The following CHCHD3 variants were observed in gnomAD, a reference collection of about 807,000 sequenced individuals.
The protein encoded by CHCHD3 is coiled-coil-helix-coiled-coil-helix domain containing 3.
In CHCHD3, 20 loss-of-function variants were observed where a neutral mutation model predicts 38.2. The ratio of observed to expected loss-of-function variants is 0.52; its 90% CI spans 0.37 to 0.76. CHCHD3 has a LOEUF of 0.76. CHCHD3 is among the 30% of genes least tolerant of loss of function. CHCHD3 has a pLI of 0.00. For missense variants in CHCHD3, 245 were observed against 279.2 expected, an observed-to-expected ratio of 0.88 and a Z score of 0.87; for synonymous variants, 82 against 100.0, an observed-to-expected ratio of 0.82 and a Z score of 1.07.
intron 6 of CHCHD3, among the ~76,000 whole-genome samples, chr7:132,827,709 C>A (rs1158654934): frequency 6.6e-6 from 1 of 152,180 alleles, no homozygotes; most frequent in South Asian, 2.1e-4. Flanking sequence ...CCAATCAAAT[C>A]TCCTCTATTC....
At chr7:132,825,113 G>A (rs1380852286) in intron 6 of CHCHD3, among the ~76,000 whole-genome samples, 1 of 152,134 alleles carries the variant, frequency 6.6e-6, no homozygotes, top group Non-Finnish European at 1.5e-5. Context: ...TGAGGGCAGG[G>A]ACTCAAACTG....
In CHCHD3 at chr7:133,075,542, C is replaced by A. The variant is rs200092637; in HGVS notation, c.82-5313G>T. Among the ~76,000 whole-genome samples, 3 of 152,208 alleles carry A rather than the reference C, an allele frequency of 2.0e-5. No homozygotes were observed. In the East Asian group the frequency reaches 5.8e-4, roughly 29 times the overall value. On this transcript the variant is annotated intron_variant, in intron 1 of 7. Coordinates refer to ENST00000262570, the MANE Select transcript of CHCHD3 (RefSeq NM_017812.4). ...GTATCCAAAGTTAATGCTCTCTGAG[C>A]TGACCTTCCCATTGCAGTAGTAAGT...
chr7:132,787,523 A>G (rs964177731), intron 7 of CHCHD3, among the ~76,000 whole-genome samples: 2 of 152,024 alleles, frequency 1.3e-5, no homozygotes, highest in African/African-American at 4.8e-5. Context: ...AAGGAGGAGG[A>G]TGACTTAAAT....
chr7:132,899,753 T>C (rs1003908185), intron 4 of CHCHD3, among the ~76,000 whole-genome samples: 3 of 152,250 alleles, frequency 2.0e-5, no homozygotes, highest in African/African-American at 7.2e-5. Context: ...TCATGGTCTA[T>C]AGCAGATCAC....
At chr7:133,080,048 CAG>C (rs1238972903) in intron 1 of CHCHD3, among the ~76,000 whole-genome samples, 1 of 152,134 alleles carries the variant, frequency 6.6e-6, no homozygotes, top group African/African-American at 2.4e-5. Context: ...AACTGAAGCT[CAG>C]AGAGATTGCA....
At chr7:132,853,034 C>T (rs11763279) in intron 5 of CHCHD3, among the ~76,000 whole-genome samples, 1 of 152,166 alleles carries the variant, frequency 6.6e-6, no homozygotes, top group South Asian at 2.1e-4. Flanking sequence ...GTAATTCCAG[C>T]AGAATCAAAT....
chr7:132,928,071 G>A (rs866899295), intron 4 of CHCHD3, among the ~76,000 whole-genome samples: 25 of 152,238 alleles, frequency 1.6e-4, no homozygotes, highest in Non-Finnish European at 3.1e-4. Context: ...AGAGTAGGCT[G>A]GGGACTCTAG....
At chr7:132,993,197 A>C (rs1274090673) in intron 3 of CHCHD3, among the ~76,000 whole-genome samples, 1 of 152,220 alleles carries the variant, frequency 6.6e-6, no homozygotes, top group Non-Finnish European at 1.5e-5. Context: ...TGCCTCCTAG[A>C]ATAAAGAGTC....
At chr7:132,933,525 TA>T (rs1298706452) in intron 4 of CHCHD3, among the ~76,000 whole-genome samples, 1 of 152,192 alleles carries the variant, frequency 6.6e-6, no homozygotes, top group African/African-American at 2.4e-5. Flanking sequence ...TGAAAAATAC[TA>T]GGTCCCAATT....
intron 6 of CHCHD3, among the ~76,000 whole-genome samples, chr7:132,819,566 G>C (rs141427155): frequency 2.2e-3 from 339 of 152,320 alleles, no homozygotes; most frequent in Non-Finnish European, 3.7e-3. Context: ...CTCCCATCAA[G>C]CTGGCTCAGA....
intron 3 of CHCHD3, among the ~76,000 whole-genome samples, chr7:132,976,426 C>T (rs985040834): frequency 6.6e-6 from 1 of 152,142 alleles, no homozygotes; most frequent in Non-Finnish European, 1.5e-5. Context: ...CCACTAAAAC[C>T]CCTCATTGTA....
chr7:132,992,578 C>A (rs1812311699), intron 3 of CHCHD3, among the ~76,000 whole-genome samples: 1 of 152,174 alleles, frequency 6.6e-6, no homozygotes, highest in Non-Finnish European at 1.5e-5. Flanking sequence ...CAATCCAAGA[C>A]TTGCTTAATC....
At chr7:132,974,128 C>T (rs1222218203) in intron 4 of CHCHD3, 4 of 858,890 alleles carry the variant, frequency 4.7e-6, no homozygotes, top group African/African-American at 1.8e-5. Context: ...TGTTCAGTGA[C>T]ATAGGAAAAT....
intron 2 of CHCHD3, among the ~76,000 whole-genome samples, chr7:133,032,588 C>G (rs1291644434): frequency 2.6e-5 from 4 of 152,178 alleles, no homozygotes; most frequent in African/African-American, 9.7e-5. Flanking sequence ...CCCATAGAAA[C>G]TAGCTCCATG....
intron 5 of CHCHD3, among the ~76,000 whole-genome samples, chr7:132,862,079 T>C (rs1808507170): frequency 6.6e-6 from 1 of 150,380 alleles, no homozygotes; most frequent in Admixed American, 6.7e-5. Flanking sequence ...GATGGATGGA[T>C]GGATGGATGG....
intron 2 of CHCHD3, among the ~76,000 whole-genome samples, chr7:133,064,186 C>A (rs969366117): frequency 6.6e-6 from 1 of 152,182 alleles, no homozygotes; most frequent in East Asian, 1.9e-4. Context: ...TCAAAGATGG[C>A]GGCCATGCTA....
chr7:132,916,619 C>T (rs963835116), intron 4 of CHCHD3, among the ~76,000 whole-genome samples: 1 of 152,176 alleles, frequency 6.6e-6, no homozygotes, highest in Non-Finnish European at 1.5e-5. Flanking sequence ...CTCACTCTGT[C>T]ACTCAGGTTG....
intron 4 of CHCHD3, among the ~76,000 whole-genome samples, chr7:132,932,575 C>T (rs1463779125): frequency 2.0e-5 from 3 of 152,202 alleles, no homozygotes; most frequent in Non-Finnish European, 4.4e-5. Flanking sequence ...CCACTGTTCC[C>T]CTTTAGTGAG....
At chr7:132,912,585 C>A (rs1222802375) in intron 4 of CHCHD3, among the ~76,000 whole-genome samples, 1 of 152,106 alleles carries the variant, frequency 6.6e-6, no homozygotes, top group Non-Finnish European at 1.5e-5. Context: ...GACAAAGTCT[C>A]ACTCTGTTAC....
Sources: gnomAD v4.1 joint callset for allele counts (sites outside exome capture counted in the v4.1 genomes callset) on GRCh38, gnomAD v4.1.1 for gene constraint, MANE v1.5 for transcripts, NCBI Gene and HGNC (gene_info 2026-07-23, HGNC 2026-07-21) for gene names.